The following NSMCE2 variants were observed in gnomAD, a reference collection of about 807,000 sequenced individuals.
NSMCE2 encodes the protein E3 SUMO-protein ligase NSE2.
In NSMCE2, 24 loss-of-function variants were observed where a neutral mutation model predicts 23.8. That is an observed-to-expected ratio of 1.01 (90% confidence interval 0.73 to 1.42). The LOEUF is 1.42. Among genes scored for constraint, NSMCE2 ranks in the 40% most tolerant of loss-of-function variants. The pLI is 0.00. For synonymous variants in NSMCE2, 92 were observed against 94.1 expected (o/e 0.98, Z 0.13); for missense variants, 284 against 296.5 (o/e 0.96, Z 0.31).
At chr8:125,166,711 A>G (rs536419510) in intron 4 of NSMCE2, among the ~76,000 whole-genome samples, 1 of 152,320 alleles carries the variant, frequency 6.6e-6, no homozygotes. Context: ...CAGGGAAGAC[A>G]CTTCTGCTAC....
intron 5 of NSMCE2, among the ~76,000 whole-genome samples, chr8:125,238,266 C>A (rs1239780734): frequency 6.6e-6 from 1 of 152,072 alleles, no homozygotes; most frequent in Non-Finnish European, 1.5e-5. Context: ...CTTTTTATTC[C>A]ATTTCCATCT....
At chr8:125,178,667 G>A (rs192377626) in intron 4 of NSMCE2, among the ~76,000 whole-genome samples, 1,945 of 152,144 alleles carry the variant, frequency 0.013, 36 homozygotes, top group African/African-American at 0.045. Context: ...TCAGGAGATC[G>A]AGACCATCCT....
chr8:125,198,924 A>G (rs1823745613), intron 5 of NSMCE2, among the ~76,000 whole-genome samples: 1 of 151,962 alleles, frequency 6.6e-6, no homozygotes, highest in Non-Finnish European at 1.5e-5. Flanking sequence ...GGGAGGGCAT[A>G]TGTGTCCAGG....
intron 3 of NSMCE2, among the ~76,000 whole-genome samples, chr8:125,148,649 C>T (rs1207135207): frequency 6.6e-6 from 1 of 152,134 alleles, no homozygotes; most frequent in Non-Finnish European, 1.5e-5. Flanking sequence ...GTTCAGGTTA[C>T]CAGCCTTACC....
At chr8:125,354,662 TA>T (rs1435852815) in intron 5 of NSMCE2, among the ~76,000 whole-genome samples, 1 of 152,192 alleles carries the variant, frequency 6.6e-6, no homozygotes, top group Non-Finnish European at 1.5e-5. Context: ...CTTCAAAGAA[TA>T]AAAGCTGGTT....
chr8:125,117,396 T>G (rs562922599), intron 3 of NSMCE2, among the ~76,000 whole-genome samples: 23 of 152,290 alleles, frequency 1.5e-4, no homozygotes, highest in African/African-American at 5.5e-4. Context: ...CTTCAGTCTC[T>G]TTGGCTTTTT....
At chr8:125,180,813 G>T (rs1330766557) in intron 4 of NSMCE2, among the ~76,000 whole-genome samples, 2 of 152,166 alleles carry the variant, frequency 1.3e-5, no homozygotes. Flanking sequence ...CTAATAAATT[G>T]TGGCTTTTAG....
At chr8:125,142,860 C>A (rs1343871693) in intron 3 of NSMCE2, among the ~76,000 whole-genome samples, 1 of 152,176 alleles carries the variant, frequency 6.6e-6, no homozygotes, top group Non-Finnish European at 1.5e-5. Flanking sequence ...CCTCAGCCTC[C>A]CAAAGTGCTG....
intron 5 of NSMCE2, among the ~76,000 whole-genome samples, chr8:125,248,102 T>C (rs952509437): frequency 6.6e-6 from 1 of 152,226 alleles, no homozygotes; most frequent in Non-Finnish European, 1.5e-5. Flanking sequence ...ATTTATACTT[T>C]AGATTTAAAT....
intron 5 of NSMCE2, among the ~76,000 whole-genome samples, chr8:125,335,771 C>A (rs996524999): frequency 6.6e-6 from 1 of 152,170 alleles, no homozygotes; most frequent in Non-Finnish European, 1.5e-5. Context: ...GAAAGATAAG[C>A]ATATGTCATT....
intron 5 of NSMCE2, among the ~76,000 whole-genome samples, chr8:125,338,351 C>T (rs572575763): frequency 3.3e-5 from 5 of 150,822 alleles, no homozygotes; most frequent in African/African-American, 9.7e-5. Flanking sequence ...GTGAGATGAA[C>T]AGAATGCAAA....
At chr8:125,171,580 T>C (rs897464710) in intron 4 of NSMCE2, among the ~76,000 whole-genome samples, 9 of 152,200 alleles carry the variant, frequency 5.9e-5, no homozygotes, top group Non-Finnish European at 1.3e-4. Flanking sequence ...ACCTTGCCAA[T>C]AATAAATAGT....
chr8:125,186,030 T>C (rs572700941), intron 5 of NSMCE2, among the ~76,000 whole-genome samples: 8 of 152,306 alleles, frequency 5.3e-5, no homozygotes, highest in African/African-American at 1.9e-4. Flanking sequence ...CTGGGGTCAG[T>C]AAACTCTGGG....
At chr8:125,203,840 TAGTC>T (rs1422759064) in intron 5 of NSMCE2, among the ~76,000 whole-genome samples, 15 of 152,286 alleles carry the variant, frequency 9.8e-5, no homozygotes, top group Middle Eastern at 3.4e-3. Flanking sequence ...AAAGTAAACA[TAGTC>T]AGGTTATTTT....
chr8:125,323,405 A>C (rs1448238250), intron 5 of NSMCE2, among the ~76,000 whole-genome samples: 1 of 152,228 alleles, frequency 6.6e-6, no homozygotes, highest in East Asian at 1.9e-4. Flanking sequence ...TTCAAGACTT[A>C]ATGAAGCTAT....
rs192929007 is a variant in NSMCE2 at position 125,338,338 on chromosome 8, A to G, written c.419-18881A>G. Among the ~76,000 whole-genome samples the G allele has an allele frequency of 2.2e-3, 332 of 150,448 alleles. 1 individual carries two copies. Among genetic ancestry groups the G allele is most frequent in the African/African-American group, 7.8e-3 (321 of 41,214 alleles). ...AGAAGTTCTTGGGAATATTTCTCATATAGTGAGATGAACAGAATGCAAAAG... is the reference window on the plus strand; with the variant it reads ...AGAAGTTCTTGGGAATATTTCTCATGTAGTGAGATGAACAGAATGCAAAAG... On this transcript the variant is annotated intron_variant, in intron 5 of 7. Transcript: ENST00000287437.
At chr8:125,356,326 GTT>G (rs747884264) in intron 5 of NSMCE2, among the ~76,000 whole-genome samples, 211 of 105,428 alleles carry the variant, frequency 2.0e-3, no homozygotes, top group African/African-American at 6.2e-3. Flanking sequence ...TAATTTTTTG[GTT>G]TTTTTTTTTT....
At chr8:125,174,878 G>C (rs905101225) in intron 4 of NSMCE2, among the ~76,000 whole-genome samples, 2 of 152,174 alleles carry the variant, frequency 1.3e-5, no homozygotes, top group Non-Finnish European at 2.9e-5. Flanking sequence ...AACACACTCA[G>C]CTACAGATAA....
At chr8:125,249,045 C>G (rs138526947) in intron 5 of NSMCE2, among the ~76,000 whole-genome samples, 338 of 152,230 alleles carry the variant, frequency 2.2e-3, no homozygotes, top group African/African-American at 7.1e-3. Flanking sequence ...GTGGCACATG[C>G]CTTTAATCCC....
Sources: allele counts gnomAD v4.1 joint callset (sites outside exome capture counted in the v4.1 genomes callset), GRCh38; gene constraint gnomAD v4.1.1; transcripts MANE v1.5; gene names NCBI Gene and HGNC (gene_info 2026-07-23, HGNC 2026-07-21).